KLF8: variants seen among roughly 807,000 people sequenced by gnomAD.
The protein encoded by KLF8 is Krueppel-like factor 8.
Under a neutral mutation model 18.2 loss-of-function variants are expected in KLF8, and 10 were observed. The ratio of observed to expected loss-of-function variants is 0.55; its 90% CI spans 0.34 to 0.93. The LOEUF (loss-of-function observed/expected upper bound fraction) is 0.93, where lower values mean the gene tolerates loss of function less well. Ranked by LOEUF, KLF8 falls within the 40% of genes least tolerant of loss-of-function variation. The probability of loss-of-function intolerance (pLI) is 0.02; values close to 1 mark genes in which losing one functional copy is unlikely to be tolerated. For missense variants in KLF8, 264 were observed against 277.9 expected (o/e 0.95, Z 0.36); for synonymous variants, 109 against 97.3 (o/e 1.12, Z -0.71).
At chrX:56,112,350 G>T in the KLF8 span, among the ~76,000 whole-genome samples, 2 of 111,150 alleles carry the variant, frequency 1.8e-5, no homozygotes, top group Non-Finnish European at 3.8e-5. Context: ...GGGGCTGGGG[G>T]AGATAGCATT....
chrX:56,270,379 CACGAGA>C, intron 5 of KLF8, 58 bp downstream of exon 5: 10 of 944,375 alleles, frequency 1.1e-5, no homozygotes, highest in Admixed American at 3.5e-5. Flanking sequence ...CACACACACA[CACGAGA>C]GAGAGAGAGA....
At chrX:56,136,291 C>T in the KLF8 span, among the ~76,000 whole-genome samples, 10 of 111,387 alleles carry the variant, frequency 9.0e-5, no homozygotes, top group Middle Eastern at 4.6e-3. Flanking sequence ...GAGCCCGCAT[C>T]GCCAAGTCAA....
chrX:56,085,831 C>T, the KLF8 span, among the ~76,000 whole-genome samples: 1,301 of 112,000 alleles, frequency 0.012, 8 homozygotes, highest in Non-Finnish European at 0.019. Flanking sequence ...GAGCTCAGTT[C>T]AGCATAAACT....
the KLF8 span, among the ~76,000 whole-genome samples, chrX:56,011,349 A>G: frequency 8.9e-6 from 1 of 112,323 alleles, no homozygotes; most frequent in African/African-American, 3.2e-5. Flanking sequence ...TTGGAAATTG[A>G]ACAACCTGCT....
the KLF8 span, among the ~76,000 whole-genome samples, chrX:56,207,194 C>T: frequency 2.7e-5 from 3 of 112,599 alleles, no homozygotes; most frequent in Non-Finnish European, 5.6e-5. Flanking sequence ...CTGTGAAGAC[C>T]TCTGACATGC....
the KLF8 span, among the ~76,000 whole-genome samples, chrX:55,993,284 G>C: frequency 8.9e-6 from 1 of 111,890 alleles, no homozygotes; most frequent in East Asian, 2.8e-4. Context: ...TCAATGCTTA[G>C]TTTGTTGAGG....
the KLF8 span, among the ~76,000 whole-genome samples, chrX:56,138,272 A>G: frequency 9.0e-6 from 1 of 111,456 alleles, no homozygotes; most frequent in Non-Finnish European, 1.9e-5. Context: ...TACTGAAACT[A>G]TTTCAAAAAT....
At chrX:56,038,312 A>G in the KLF8 span, among the ~76,000 whole-genome samples, 1 of 111,899 alleles carries the variant, frequency 8.9e-6, no homozygotes, top group Non-Finnish European at 1.9e-5. Flanking sequence ...TACACAGATT[A>G]TGCCATCACC....
chrX:56,195,894 C>T, the KLF8 span, among the ~76,000 whole-genome samples: 4 of 111,898 alleles, frequency 3.6e-5, no homozygotes, highest in African/African-American at 1.3e-4. Context: ...CTGGCAGAAA[C>T]CTTACAAGCC....
At chrX:55,983,787 C>T in the KLF8 span, among the ~76,000 whole-genome samples, 1 of 110,442 alleles carries the variant, frequency 9.1e-6, no homozygotes, top group African/African-American at 3.3e-5. Flanking sequence ...CAGTATCCCC[C>T]GTTCTGTGGC....
At chrX:56,077,671 C>A in the KLF8 span, among the ~76,000 whole-genome samples, 1 of 111,595 alleles carries the variant, frequency 9.0e-6, no homozygotes, top group Non-Finnish European at 1.9e-5. Flanking sequence ...TTTTCCAATT[C>A]TGTGAAGAAA....
At chrX:56,252,172 C>T (rs1395173380) in intron 2 of KLF8, among the ~76,000 whole-genome samples, 1 of 110,773 alleles carries the variant, frequency 9.0e-6, no homozygotes, top group African/African-American at 3.3e-5. Context: ...GCCACCACGC[C>T]CAGCTAATTG....
At chrX:56,152,040 G>T in the KLF8 span, among the ~76,000 whole-genome samples, 4 of 111,524 alleles carry the variant, frequency 3.6e-5, no homozygotes, top group Non-Finnish European at 7.5e-5. Flanking sequence ...GAATATGACT[G>T]GCCTGCATAA....
At chrX:56,139,593 G>A in the KLF8 span, among the ~76,000 whole-genome samples, 1 of 111,327 alleles carries the variant, frequency 9.0e-6, no homozygotes, top group Non-Finnish European at 1.9e-5. Flanking sequence ...GATTGAAATT[G>A]GACCTCTTCC....
At chrX:56,269,633 T>A in intron 4 of KLF8, 144 bp downstream of exon 4, 3 of 985,054 alleles carry the variant, frequency 3.0e-6, no homozygotes, top group Non-Finnish European at 3.9e-6. Flanking sequence ...AGACTGCCTT[T>A]CCAGTGAAAG....
chrX:55,956,129 T>TATC, the KLF8 span, among the ~76,000 whole-genome samples: 4 of 95,500 alleles, frequency 4.2e-5, no homozygotes, highest in Middle Eastern at 5.4e-3. Flanking sequence ...ATCTATCTAT[T>TATC]TATCTATCTA....
chrX:56,213,299 C>CTT, the KLF8 span, among the ~76,000 whole-genome samples: 1 of 30,405 alleles, frequency 3.3e-5, no homozygotes, highest in African/African-American at 1.2e-4. Flanking sequence ...CTTTTCTTTT[C>CTT]TTTTCTTTTC....
chrX:56,073,622 G>T, the KLF8 span, among the ~76,000 whole-genome samples: 2 of 111,345 alleles, frequency 1.8e-5, no homozygotes, highest in Non-Finnish European at 3.8e-5. Flanking sequence ...ATAGACAAGG[G>T]CTCCAATTTA....
chrX:55,961,379 A>T, the KLF8 span: 2 of 486,471 alleles, frequency 4.1e-6, no homozygotes, highest in Non-Finnish European at 7.8e-6. Flanking sequence ...GATAGCAAAA[A>T]GATGAATCTG....
Sources: gnomAD v4.1 joint callset for allele counts (sites outside exome capture counted in the v4.1 genomes callset) on GRCh38, gnomAD v4.1.1 for gene constraint, MANE v1.5 for transcripts, NCBI Gene and HGNC (gene_info 2026-07-23, HGNC 2026-07-21) for gene names.